CCNY: variants seen among roughly 807,000 people sequenced by gnomAD.
The protein encoded by CCNY is cyclin-Y.
In CCNY, 19 loss-of-function variants were observed where a neutral mutation model predicts 42.8. That is an observed-to-expected ratio of 0.44 (90% confidence interval 0.31 to 0.65). The LOEUF is 0.65. Among genes scored for constraint, CCNY ranks in the 30% least tolerant of loss-of-function variants. The pLI is 0.07. For synonymous variants in CCNY, 165 were observed against 162.7 expected (o/e 1.01, Z -0.11); for missense variants, 370 against 437.3 (o/e 0.85, Z 1.37).
At chr10:35,538,057 G>A (rs1257013990) in intron 7 of CCNY, among the ~76,000 whole-genome samples, 1 of 152,108 alleles carries the variant, frequency 6.6e-6, no homozygotes, top group Non-Finnish European at 1.5e-5. Context: ...TAGTGAATAA[G>A]TCTTACGAGA....
rs145011799 is a variant in CCNY at position 35,566,858 on chromosome 10, A to G, written c.909+673A>G. Among the ~76,000 whole-genome samples the G allele has an allele frequency of 3.3e-3, 505 of 150,992 alleles. 4 individuals carry two copies. The highest frequency in any genetic ancestry group is 0.012 in the African/African-American group (476 of 41,074). The stretch of plus-strand genomic sequence containing the variant: ...GTAGCTGGGACTACAGGTGTGCACC[A>G]CCACGCCCAGCTAATTTTTTTTTGT... On this transcript the variant is annotated intron_variant, in intron 9 of 9. Transcript: ENST00000374704.
chr10:35,333,651 G>C (rs1835972068), upstream of CCNY, among the ~76,000 whole-genome samples: 1 of 152,174 alleles, frequency 6.6e-6, no homozygotes, highest in Non-Finnish European at 1.5e-5. Context: ...TTATCAAAGT[G>C]TCTATTTATA....
chr10:35,340,814 A>AT (rs1218629582), intron 1 of CCNY, among the ~76,000 whole-genome samples: 1 of 152,054 alleles, frequency 6.6e-6, no homozygotes, highest in Non-Finnish European at 1.5e-5. Context: ...CACTCTTTTC[A>AT]TTTTTATAGT....
intron 3 of CCNY, among the ~76,000 whole-genome samples, chr10:35,307,764 G>A (rs966602449): frequency 0.074 from 4,597 of 62,228 alleles, 206 homozygotes; most frequent in East Asian, 0.14. Flanking sequence ...GTATATATGT[G>A]TGTGTGTGTG....
intron 1 of CCNY, among the ~76,000 whole-genome samples, chr10:35,477,575 C>G (rs1393728601): frequency 1.3e-5 from 2 of 151,970 alleles, no homozygotes; most frequent in African/African-American, 2.4e-5. Flanking sequence ...AGGCCTTTGA[C>G]AAAATTCAAC....
chr10:35,268,312 G>A (rs1330398269), intron 3 of CCNY, among the ~76,000 whole-genome samples: 4 of 152,132 alleles, frequency 2.6e-5, no homozygotes, highest in African/African-American at 9.7e-5. Context: ...TCAGGAGTTC[G>A]AGAACAGCCT....
intron 1 of CCNY, among the ~76,000 whole-genome samples, chr10:35,406,462 T>G (rs1837775100): frequency 6.6e-6 from 1 of 151,910 alleles, no homozygotes; most frequent in Admixed American, 6.6e-5. Context: ...AAGCGTCTGT[T>G]TAACAAAGCA....
At chr10:35,465,408 T>C (rs1839238725) in intron 1 of CCNY, among the ~76,000 whole-genome samples, 1 of 152,212 alleles carries the variant, frequency 6.6e-6, no homozygotes, top group African/African-American at 2.4e-5. Context: ...TCTCTTCTCC[T>C]TTCTCTGAAT....
upstream of CCNY, among the ~76,000 whole-genome samples, chr10:35,333,388 C>T (rs1487237208): frequency 1.3e-5 from 2 of 152,184 alleles, no homozygotes; most frequent in Non-Finnish European, 2.9e-5. Context: ...GAGAGCTGAA[C>T]CCCACAGAAA....
rs114214233 is a variant in CCNY at position 35,352,245 on chromosome 10, G to A, written c.154+15038G>A. Among the ~76,000 whole-genome samples, 172 of 152,286 alleles carry A rather than the reference G, an allele frequency of 1.1e-3. 1 individual carries two copies. The highest frequency in any genetic ancestry group is 3.4e-3 in the African/African-American group (141 of 41,564). ...TAGAGGTTATGTAAACACAATGCTA[G>A]TACTCCAAGGAACTAAACAAGCTGA... On this transcript the variant is annotated intron_variant, in intron 1 of 9. Transcript: ENST00000374704.
intron 1 of CCNY, among the ~76,000 whole-genome samples, chr10:35,450,147 AG>A (rs1427967717): frequency 6.8e-6 from 1 of 147,010 alleles, no homozygotes; most frequent in Non-Finnish European, 1.5e-5. Context: ...TAGCAGGGGG[AG>A]GGGTGGCAGA....
chr10:35,564,927 C>T (rs1426086216), intron 8 of CCNY, among the ~76,000 whole-genome samples: 1 of 152,194 alleles, frequency 6.6e-6, no homozygotes, highest in Admixed American at 6.5e-5. Context: ...TCAGCAGCCA[C>T]ATGCTGCATA....
At position 35,395,238 on chromosome 10, in the gene CCNY, C is replaced by T. The variant is rs142370655; in HGVS notation, c.154+58031C>T. Among the ~76,000 whole-genome samples the T allele has an allele frequency of 2.7e-3, 414 of 152,224 alleles. 3 individuals carry two copies. Among genetic ancestry groups the T allele is most frequent in the African/African-American group, 9.6e-3 (397 of 41,528 alleles). On this transcript the variant is annotated intron_variant, in intron 1 of 9. Transcript: ENST00000374704. ...ATAGTACTGGCTTCCTCAGGAAAAG[C>T]TATGTGTTGTTCCATTGTTAGAGAA...
intron 3 of CCNY, among the ~76,000 whole-genome samples, chr10:35,312,768 T>TTTA (rs1554775493): frequency 8.1e-5 from 12 of 147,624 alleles, no homozygotes; most frequent in African/African-American, 2.3e-4. Flanking sequence ...TTTTTTTTTT[T>TTTA]AGAGTTGGGG....
intron 2 of CCNY, among the ~76,000 whole-genome samples, chr10:35,491,042 G>A (rs1034330468): frequency 2.0e-5 from 3 of 152,180 alleles, no homozygotes; most frequent in Admixed American, 1.3e-4. Context: ...TTTGGGGTGT[G>A]TGGAGGAGGG....
intron 3 of CCNY, among the ~76,000 whole-genome samples, chr10:35,272,413 T>C (rs1165291009): frequency 2.6e-5 from 4 of 152,126 alleles, no homozygotes; most frequent in Admixed American, 2.6e-4. Flanking sequence ...CTAGCGGCCA[T>C]TAGTTATTTT....
At chr10:35,565,902 G>A in intron 8 of CCNY, 121 bp from the exon 9 acceptor site, 1 of 962,098 alleles carries the variant, frequency 1.0e-6, no homozygotes, top group Non-Finnish European at 1.6e-6. Flanking sequence ...CATTTACTTA[G>A]ATCACTGGTC....
chr10:35,557,482 T>C (rs1355140971), intron 8 of CCNY, among the ~76,000 whole-genome samples: 4 of 152,138 alleles, frequency 2.6e-5, no homozygotes, highest in Non-Finnish European at 5.9e-5. Flanking sequence ...TAAAGCTGGG[T>C]GCAGTGGCTC....
chr10:35,504,412 T>G (rs1402729813), intron 3 of CCNY, among the ~76,000 whole-genome samples: 3 of 152,160 alleles, frequency 2.0e-5, no homozygotes, highest in Admixed American at 2.0e-4. Context: ...GGCCTTTAAC[T>G]GGCTCAAAAC....
Sources: gnomAD v4.1 joint callset for allele counts (sites outside exome capture counted in the v4.1 genomes callset) on GRCh38, gnomAD v4.1.1 for gene constraint, MANE v1.5 for transcripts, NCBI Gene and HGNC (gene_info 2026-07-23, HGNC 2026-07-21) for gene names.